Variants in POLQ observed in about 807,000 individuals in gnomAD.
The protein encoded by POLQ is DNA polymerase theta.
POLQ carries 233 observed loss-of-function variants against 259.2 expected under a neutral mutation model. That is an observed-to-expected ratio of 0.90 (90% CI 0.81 to 1.00). The LOEUF (loss-of-function observed/expected upper bound fraction) is 1.00, where lower values mean the gene tolerates loss of function less well. POLQ is among the 50% of genes least tolerant of loss of function. POLQ has a pLI of 0.00. For missense variants in POLQ, 2,871 were observed against 3,051.6 expected, an observed-to-expected ratio of 0.94 and a Z score of 1.39; for synonymous variants, 1,025 against 1,048.8, an observed-to-expected ratio of 0.98 and a Z score of 0.44.
intron 27 of POLQ, among the ~76,000 whole-genome samples, chr3:121,438,867 A>G (rs1437302048): frequency 1.3e-5 from 2 of 152,210 alleles, no homozygotes; most frequent in Non-Finnish European, 2.9e-5. Flanking sequence ...GGGAGGCTAG[A>G]GAGTAAAGCA....
At position 121,488,070 on chromosome 3, in the gene POLQ, T is replaced by C. The variant is rs1279583976; in HGVS notation, c.4861A>G (p.Thr1621Ala). ...AATGAATGATTTTGCCTGGTCCCAG[T>C]TAATTTTGATTTTTCAGCCCTTTCA... ...QDERAEKSKL[T>A]GTRQNHSFIW... Residue 1621 changes from threonine (T) to alanine (A), a missense_variant, in exon 16 of 30, where the codon ACT becomes GCT. By Grantham distance (58) the Thr-to-Ala change is moderately conservative. This residue lies in a region of POLQ where 2,080 missense variants were observed against 2,126.0 expected (regional missense o/e 0.98). Coordinates refer to ENST00000264233, the MANE Select transcript of POLQ (RefSeq NM_199420.4). 6 of 1,613,950 alleles carry C rather than the reference T, an allele frequency of 3.7e-6. No homozygotes were observed. The highest frequency in any genetic ancestry group is 4.2e-6 in the Non-Finnish European group (5 of 1,179,968).
rs913731450 is a variant in POLQ at position 121,494,810 on chromosome 3, C to T, written c.2279-1089G>A. 30 of 1,513,824 alleles carry T rather than the reference C, an allele frequency of 2.0e-5. No individual in the cohort carries two copies. The East Asian group carries it at 2.7e-4, about 14-fold the overall frequency. 93.8% of individuals were successfully genotyped at this position (1,513,824 alleles called of 1,614,324 possible). A position where few individuals can be genotyped will look rare whatever the true frequency, so the allele number is the denominator to read the frequency against. ...CAACGACAGATAGGATGAGACCCAC[C>T]GTCACTGGGGCGGCAACGTCCTGGG... On this transcript the variant is annotated intron_variant, in intron 14 of 29. Coordinates refer to ENST00000264233, the MANE Select transcript of POLQ (RefSeq NM_199420.4).
Position 121,468,449 on chromosome 3 carries a change from A to G in POLQ, c.6719-18T>C, listed in dbSNP as rs749482803. ...TATTCGTCCTAAAATCAAGCAGAAT[A>G]AAGACATAAAATCAGGAAAAAAAAT... On this transcript the variant is annotated intron_variant, in intron 22 of 29. Transcript: ENST00000264233. 6.3e-7 allele frequency: 1 copy of G among 1,578,994 alleles called. No individual in the cohort carries two copies. Among genetic ancestry groups the G allele is most frequent in the Non-Finnish European group, 8.7e-7 (1 of 1,155,022 alleles).
chr3:121,526,186 A>G (rs1239172894), intron 7 of POLQ, among the ~76,000 whole-genome samples: 6 of 152,166 alleles, frequency 3.9e-5, no homozygotes, highest in African/African-American at 1.4e-4. Context: ...GGCCCAAGGC[A>G]TTGTTCAGTA....
At chr3:121,492,475 G>A (rs560338674) in intron 15 of POLQ, among the ~76,000 whole-genome samples, 2 of 152,234 alleles carry the variant, frequency 1.3e-5, no homozygotes, top group East Asian at 3.9e-4. Context: ...GCATTCCAAA[G>A]AACATTTCAG....
chr3:121,432,927 A>T lies in POLQ; in HGVS notation c.7650T>A (p.Asp2550Glu), dbSNP rs1281287076. Residue 2550 changes from aspartate to glutamate, a missense_variant, in exon 29 of 30, where the codon GAT becomes GAA. By Grantham distance (45) the Asp-to-Glu change is conservative. This residue lies in a region of POLQ where 2,080 missense variants were observed against 2,126.0 expected (regional missense o/e 0.98). Transcript: ENST00000264233. ...DELLYEVAEEDVVQVAQIVKN... is the reference protein window; with the variant it reads ...DELLYEVAEEEVVQVAQIVKN... ...AGCATTGCAAAAATACCTGAACAAC[A>T]TCTTCTTCTGCCACTTCATATAGGA... 1.3e-6 allele frequency: 2 copies of T among 1,579,162 alleles called. No individual in the cohort carries two copies. Among genetic ancestry groups the T allele is most frequent in the Non-Finnish European group, 1.7e-6 (2 of 1,148,382 alleles).
Position 121,541,205 on chromosome 3 carries a change from T to G in POLQ, c.474+144A>C, listed in dbSNP as rs1396454986. 7 of 712,886 alleles carry G rather than the reference T, an allele frequency of 9.8e-6. No homozygotes were observed. In the East Asian group the frequency reaches 1.9e-4, roughly 20 times the overall value. The allele number at this position is 712,886 out of a possible 1,614,324, so 44.2% of individuals were successfully genotyped here. A position where few individuals can be genotyped will look rare whatever the true frequency, so the allele number is the denominator to read the frequency against. On this transcript the variant is annotated intron_variant, in intron 3 of 29. Transcript: ENST00000264233. ...CCCTTGCTGTAAATTTTTAATGCTT[T>G]TGGCAGTAGCCTCTTAAAGCTACAT...
intron 9 of POLQ, among the ~76,000 whole-genome samples, chr3:121,516,373 A>T (rs1171762981): frequency 6.6e-6 from 1 of 152,214 alleles, no homozygotes; most frequent in Non-Finnish European, 1.5e-5. Context: ...CTAGAAAATG[A>T]ATCAACTAGC....
rs141080042 is a variant in POLQ at position 121,497,635 on chromosome 3, C to T, written c.2154-703G>A. Among the ~76,000 whole-genome samples the T allele has an allele frequency of 8.0e-3, 1,211 of 152,174 alleles. 8 individuals are homozygous for T. The highest frequency in any genetic ancestry group is 0.012 in the Non-Finnish European group (814 of 68,014). ...TATTTTTACTAGAGACAGGGTTTTACCACATTGGCCAGGCTGGTCTCAAAC... is the reference window on the plus strand; with the variant it reads ...TATTTTTACTAGAGACAGGGTTTTATCACATTGGCCAGGCTGGTCTCAAAC... On this transcript the variant is annotated intron_variant, in intron 13 of 29. Transcript: ENST00000264233.
At chr3:121,453,260 C>T (rs1483424015) in intron 25 of POLQ, among the ~76,000 whole-genome samples, 2 of 152,126 alleles carry the variant, frequency 1.3e-5, no homozygotes, top group East Asian at 3.9e-4. Context: ...CATCAAAGAC[C>T]AAAAGTAGAT....
chr3:121,510,385 G>A, intron 10 of POLQ, 142 bp from the exon 11 acceptor site: 1 of 614,958 alleles, frequency 1.6e-6, no homozygotes, highest in Non-Finnish European at 2.9e-6. Flanking sequence ...AGACCATCCT[G>A]GTTAACACGG....
chr3:121,498,390 A>G, intron 13 of POLQ, 87 bp downstream of exon 13: 1 of 873,478 alleles, frequency 1.1e-6, no homozygotes, highest in Non-Finnish European at 1.7e-6. Flanking sequence ...TTTTATTGAC[A>G]ATGAAAGTGA....
At chr3:121,497,191 T>A (rs1295977721) in intron 13 of POLQ, among the ~76,000 whole-genome samples, 1 of 152,214 alleles carries the variant, frequency 6.6e-6, no homozygotes. Context: ...AAACTGCTGC[T>A]AACAAGAAAT....
chr3:121,512,091 G>A, intron 9 of POLQ, 62 bp from the exon 10 acceptor site: 1 of 1,418,154 alleles, frequency 7.1e-7, no homozygotes. Context: ...ATCTGCTAAA[G>A]AGATTTTAAG....
chr3:121,525,614 A>G (rs60204652), intron 7 of POLQ, among the ~76,000 whole-genome samples: 2,214 of 152,158 alleles, frequency 0.015, 59 homozygotes, highest in African/African-American at 0.05. Context: ...TACGGTACCA[A>G]TCCTTTCGCC....
intron 14 of POLQ, among the ~76,000 whole-genome samples, chr3:121,495,604 G>A (rs1378457426): frequency 6.6e-6 from 1 of 151,874 alleles, no homozygotes; most frequent in Non-Finnish European, 1.5e-5. Context: ...CAGTACTTTA[G>A]GAGGCCGAGG....
At chr3:121,497,158 T>A (rs1193158937) in intron 13 of POLQ, among the ~76,000 whole-genome samples, 1 of 152,222 alleles carries the variant, frequency 6.6e-6, no homozygotes, top group Non-Finnish European at 1.5e-5. Flanking sequence ...AATGTCTGTA[T>A]AACAAAAACC....
intron 12 of POLQ, among the ~76,000 whole-genome samples, chr3:121,501,615 TCCCG>T: frequency 8.8e-6 from 1 of 113,694 alleles, no homozygotes; most frequent in South Asian, 2.9e-4. Context: ...TGAGCCGAGA[TCCCG>T]CCACTGCACT....
chr3:121,492,292 A>T (rs1211177213), intron 15 of POLQ, among the ~76,000 whole-genome samples: 1 of 152,212 alleles, frequency 6.6e-6, no homozygotes, highest in East Asian at 1.9e-4. Flanking sequence ...TACCTATAGA[A>T]TCTGCCTGAG....
Sources: gnomAD v4.1 joint callset for allele counts (sites outside exome capture counted in the v4.1 genomes callset) on GRCh38, gnomAD v4.1.1 for gene constraint, gnomAD v4.1.1 regional missense constraint, MANE v1.5 for transcripts, NCBI Gene and HGNC (gene_info 2026-07-23, HGNC 2026-07-21) for gene names.